The following FBLN2 variants were observed in gnomAD, a reference collection of about 807,000 sequenced individuals.
The protein encoded by FBLN2 is fibulin-2.
FBLN2 carries 81 observed loss-of-function variants against 123.7 expected under a neutral mutation model. That is an observed-to-expected ratio of 0.65 (90% confidence interval 0.55 to 0.79). FBLN2 has a LOEUF of 0.79. FBLN2 is among the 30% of genes least tolerant of loss of function. FBLN2 has a pLI of 0.00. For missense variants in FBLN2, 1,603 were observed against 1,681.3 expected (o/e 0.95, Z 0.81); for synonymous variants, 699 against 701.4 (o/e 1.00, Z 0.05).
chr3:13,586,482 G>C (rs964587519), intron 2 of FBLN2, among the ~76,000 whole-genome samples: 38 of 145,848 alleles, frequency 2.6e-4, no homozygotes, highest in African/African-American at 9.7e-4. Context: ...CACGCCTGGC[G>C]TATGTCTTAG....
At chr3:13,606,201 A>G (rs1705198592) in intron 2 of FBLN2, among the ~76,000 whole-genome samples, 1 of 152,208 alleles carries the variant, frequency 6.6e-6, no homozygotes, top group South Asian at 2.1e-4. Context: ...ATCTGGCCTA[A>G]GGAGTATTTT....
intron 2 of FBLN2, among the ~76,000 whole-genome samples, chr3:13,593,272 G>T (rs1159201313): frequency 6.6e-6 from 1 of 152,192 alleles, no homozygotes; most frequent in Non-Finnish European, 1.5e-5. Context: ...AACTACCCGG[G>T]CATGGGTTAA....
intron 2 of FBLN2, among the ~76,000 whole-genome samples, chr3:13,579,844 T>G (rs1704266099): frequency 6.6e-6 from 1 of 152,214 alleles, no homozygotes; most frequent in South Asian, 2.1e-4. Context: ...ACATAACCAC[T>G]AGAACCTGTC....
intron 1 of FBLN2, among the ~76,000 whole-genome samples, chr3:13,563,801 A>G (rs1305849048): frequency 6.6e-6 from 1 of 152,188 alleles, no homozygotes; most frequent in Admixed American, 6.5e-5. Context: ...CATCTATCAC[A>G]TATAGAAGAG....
At chr3:13,580,995 G>A (rs533645984) in intron 2 of FBLN2, among the ~76,000 whole-genome samples, 1 of 152,340 alleles carries the variant, frequency 6.6e-6, no homozygotes, top group South Asian at 2.1e-4. Flanking sequence ...GTGCCACGTG[G>A]TCTCCAGCTG....
At position 13,592,019 on chromosome 3, in the gene FBLN2, T is replaced by C. The variant is rs991563635; in HGVS notation, c.1307-16043T>C. 7.9e-4 allele frequency among the ~76,000 whole-genome samples: 89 copies of C among 112,914 alleles called. 1 individual carries two copies. Among genetic ancestry groups the C allele is most frequent in the African/African-American group, 3.4e-3 (88 of 25,968 alleles). The allele number at this position is 112,914 out of a possible 152,430, so 74.1% of individuals were successfully genotyped here. A position where few individuals can be genotyped will look rare whatever the true frequency, so the allele number is the denominator to read the frequency against. On this transcript the variant is annotated intron_variant, in intron 2 of 17. Transcript: ENST00000404922. ...TGGTCTGTTTCTGGCCTCTCTTTTCTTTTTTTTTTTTTTTTTTTATTTTGA... is the reference window on the plus strand; with the variant it reads ...TGGTCTGTTTCTGGCCTCTCTTTTCCTTTTTTTTTTTTTTTTTTATTTTGA...
chr3:13,598,059 G>T (rs3773275), intron 2 of FBLN2, among the ~76,000 whole-genome samples: 51,299 of 152,136 alleles, frequency 0.34, 8,757 homozygotes, highest in South Asian at 0.42. Flanking sequence ...GGACAGAAAT[G>T]GAGAATTCTC....
intron 9 of FBLN2, 49 bp downstream of exon 9, chr3:13,621,964 C>G: frequency 6.3e-7 from 1 of 1,590,112 alleles, no homozygotes; most frequent in Non-Finnish European, 8.6e-7. Context: ...CTCCGCTCTG[C>G]TCCACGCCAA....
chr3:13,621,898 C>A lies in FBLN2; in HGVS notation c.2279C>A (p.Ala760Glu), dbSNP rs570162851. The A allele has an allele frequency of 6.2e-7, 1 of 1,613,440 alleles. No homozygotes were observed. The highest frequency in any genetic ancestry group is 1.1e-5 in the South Asian group (1 of 91,038). ...TGTGCCGATGGCTATATCCTCAATG[C>A]GCACAGGAAGTGCGTGGGTAAGCCA... The part of the protein sequence containing the change: ...VLCADGYILN[A>E]HRKCVDINEC... The change falls in exon 9 of 18, where the codon GCG becomes GAG. Residue 760 changes from alanine to glutamate, a missense_variant. Transcript: ENST00000404922.
chr3:13,555,579 C>T (rs939830407), intron 1 of FBLN2, among the ~76,000 whole-genome samples: 51 of 152,242 alleles, frequency 3.3e-4, no homozygotes, highest in Admixed American at 2.7e-3. Context: ...CTCAGCCTCC[C>T]GAGTAGCTGG....
intron 1 of FBLN2, among the ~76,000 whole-genome samples, chr3:13,568,507 G>T (rs1201823029): frequency 2.0e-5 from 3 of 152,158 alleles, no homozygotes; most frequent in Non-Finnish European, 4.4e-5. Flanking sequence ...TTACAGGCAC[G>T]CCCAGAGGCC....
Position 13,637,655 on chromosome 3 carries a change from C to T in FBLN2, c.3432C>T (p.Leu1144=), listed in dbSNP as rs1463686522. The part of the protein sequence containing the change: ...THYQLNFQTG[L]LVPAHIFRIG... Reference sequence around the variant, plus strand: ...ACCAGCTCAACTTCCAGACGGGCCTCCTGGTGCCTGCGCATATCTTCCGCA... The same window carrying T: ...ACCAGCTCAACTTCCAGACGGGCCTTCTGGTGCCTGCGCATATCTTCCGCA... The change falls in exon 18 of 18, where the codon CTC becomes CTT. Residue 1144 remains leucine, a synonymous_variant. Transcript: ENST00000404922. The T allele has an allele frequency of 1.9e-6, 3 of 1,613,888 alleles. No individual in the cohort carries two copies. The highest frequency in any genetic ancestry group is 1.7e-6 in the Non-Finnish European group (2 of 1,179,898).
intron 5 of FBLN2, 115 bp from the exon 6 acceptor site, chr3:13,617,961 C>T (rs1277360933): frequency 1.1e-6 from 1 of 871,380 alleles, no homozygotes; most frequent in African/African-American, 1.7e-5. Context: ...TCCTTGCTGT[C>T]TGCTGGGCAC....
chr3:13,572,910 A>G (rs1704010159), intron 2 of FBLN2, among the ~76,000 whole-genome samples: 1 of 152,158 alleles, frequency 6.6e-6, no homozygotes, highest in East Asian at 1.9e-4. Context: ...TCTAGCTTCC[A>G]TGGGGACCTG....
chr3:13,591,852 G>C (rs1007317210), intron 2 of FBLN2, among the ~76,000 whole-genome samples: 1 of 152,024 alleles, frequency 6.6e-6, no homozygotes, highest in African/African-American at 2.4e-5. Context: ...ACTTGTTTCT[G>C]TGTATGGTGT....
At chr3:13,583,343 CTG>C (rs1305164117) in intron 2 of FBLN2, among the ~76,000 whole-genome samples, 1 of 152,260 alleles carries the variant, frequency 6.6e-6, no homozygotes, top group Non-Finnish European at 1.5e-5. Flanking sequence ...GACGAGGTGA[CTG>C]AGGCCCAGGC....
intron 2 of FBLN2, among the ~76,000 whole-genome samples, chr3:13,584,276 C>A (rs546943595): frequency 2.0e-5 from 3 of 152,208 alleles, no homozygotes; most frequent in African/African-American, 7.2e-5. Context: ...AGCTTGGACT[C>A]TCCCTCTGCC....
rs766308771 is a variant in FBLN2 at position 13,570,781 on chromosome 3, G to A, written c.426G>A (p.Ala142=). The A allele has an allele frequency of 3.4e-5, 55 of 1,599,034 alleles. No homozygotes were observed. The highest frequency in any genetic ancestry group is 6.8e-5 in the East Asian group (3 of 44,030). Residue 142 remains alanine (A), a synonymous_variant, in exon 2 of 18, where the codon GCG becomes GCA. Transcript: ENST00000404922. ...PQCGQVGCVH[A]GHKYAAGHTV... ...GCGGCCAGGTGGGCTGCGTCCACGC[G>A]GGCCACAAGTACGCCGCTGGCCACA...
At chr3:13,620,335 G>T (rs1316765260) in intron 8 of FBLN2, among the ~76,000 whole-genome samples, 1 of 152,204 alleles carries the variant, frequency 6.6e-6, no homozygotes, top group Non-Finnish European at 1.5e-5. Context: ...TCCAGGCCTG[G>T]GTGGAGAGGG....
Sources: allele counts gnomAD v4.1 joint callset (sites outside exome capture counted in the v4.1 genomes callset), GRCh38; gene constraint gnomAD v4.1.1; transcripts MANE v1.5; gene names NCBI Gene and HGNC (gene_info 2026-07-23, HGNC 2026-07-21).